INPP4B: variants seen among roughly 807,000 people sequenced by gnomAD.
INPP4B encodes inositol polyphosphate 4-phosphatase type II.
In INPP4B, 55 loss-of-function variants were observed where a neutral mutation model predicts 122.5. That is an observed-to-expected ratio of 0.45 (90% CI 0.36 to 0.56). The LOEUF is 0.56. Among genes scored for constraint, INPP4B ranks in the 20% least tolerant of loss-of-function variants. The probability of loss-of-function intolerance (pLI) is 0.00; values close to 1 mark genes in which losing one functional copy is unlikely to be tolerated. For missense variants in INPP4B, 1,000 were observed against 1,097.7 expected, an observed-to-expected ratio of 0.91 and a Z score of 1.26; for synonymous variants, 403 against 388.7, an observed-to-expected ratio of 1.04 and a Z score of -0.43.
chr4:142,265,895 T>C (rs1193935507), intron 10 of INPP4B, among the ~76,000 whole-genome samples: 1 of 152,166 alleles, frequency 6.6e-6, no homozygotes, highest in Non-Finnish European at 1.5e-5. Context: ...TCTCCATTTA[T>C]GAAAAGAGTA....
chr4:142,154,285 A>G (rs1815998350), intron 17 of INPP4B, among the ~76,000 whole-genome samples: 1 of 152,178 alleles, frequency 6.6e-6, no homozygotes, highest in Non-Finnish European at 1.5e-5. Flanking sequence ...ACATCTGAAG[A>G]AATTATTTCT....
At chr4:142,059,340 G>C (rs1390990) in intron 25 of INPP4B, among the ~76,000 whole-genome samples, 134,872 of 152,030 alleles carry the variant, frequency 0.89, 61,431 homozygotes, top group Non-Finnish European at 0.98. Context: ...ACTTTTCTTA[G>C]GCCTCCTACT....
At chr4:142,544,297 T>C (rs1829299912) in intron 2 of INPP4B, among the ~76,000 whole-genome samples, 2 of 152,026 alleles carry the variant, frequency 1.3e-5, no homozygotes, top group Admixed American at 6.6e-5. Flanking sequence ...TTGGAACAAA[T>C]TCATGAGTGT....
chr4:142,676,659 C>T (rs1757835221), intron 2 of INPP4B, among the ~76,000 whole-genome samples: 2 of 152,100 alleles, frequency 1.3e-5, no homozygotes, highest in South Asian at 4.1e-4. Flanking sequence ...ACCAATGGAA[C>T]ATAACAGAGC....
intron 16 of INPP4B, among the ~76,000 whole-genome samples, chr4:142,169,920 T>A (rs911560532): frequency 1.3e-5 from 2 of 151,700 alleles, no homozygotes; most frequent in African/African-American, 2.4e-5. Context: ...CTCAATGGAA[T>A]GGAGAAAGTG....
At chr4:142,811,266 G>T (rs2151123203) in intron 1 of INPP4B, among the ~76,000 whole-genome samples, 1 of 152,254 alleles carries the variant, frequency 6.6e-6, no homozygotes, top group South Asian at 2.1e-4. Flanking sequence ...GCATAATGCA[G>T]GCAGAGGGCA....
chr4:142,803,185 AAG>A (rs1282806632), intron 1 of INPP4B, among the ~76,000 whole-genome samples: 54 of 144,186 alleles, frequency 3.7e-4, no homozygotes, highest in Admixed American at 4.8e-4. Flanking sequence ...AAAAAAAAAA[AAG>A]AAAGAAAGAA....
chr4:142,059,912 T>C (rs1759693776), intron 25 of INPP4B, among the ~76,000 whole-genome samples: 2 of 152,178 alleles, frequency 1.3e-5, no homozygotes, highest in Admixed American at 1.3e-4. Flanking sequence ...TTCTGTTCCC[T>C]TTGACAGCAT....
chr4:142,666,122 T>C (rs1460602576), intron 2 of INPP4B, among the ~76,000 whole-genome samples: 2 of 152,196 alleles, frequency 1.3e-5, no homozygotes, highest in African/African-American at 2.4e-5. Context: ...CTACTACATA[T>C]ACTTGTATGT....
intron 23 of INPP4B, among the ~76,000 whole-genome samples, chr4:142,088,257 C>A (rs1423980731): frequency 3.3e-5 from 5 of 152,098 alleles, no homozygotes; most frequent in Non-Finnish European, 7.4e-5. Flanking sequence ...AAGGTAAGGA[C>A]AATAAGGTTG....
chr4:142,314,754 G>C lies in INPP4B; in HGVS notation c.381C>G (p.Thr127=). 1 of 1,595,762 alleles carries C rather than the reference G, an allele frequency of 6.3e-7. No individual in the cohort carries two copies. The highest frequency in any genetic ancestry group is 8.5e-7 in the Non-Finnish European group (1 of 1,173,038). The change falls in exon 8 of 26, where the codon ACC becomes ACG. Residue 127 remains threonine (T), a synonymous_variant. Coordinates refer to ENST00000262992, the MANE Select transcript of INPP4B (RefSeq NM_001101669.3). ...GATCCTTATGTTCTGGTAGGACACT[G>C]GTTCGAACCTGTGGAGAAAAACATT... ...VKDKSHDTVR[T]SVLPEHKDPP...
chr4:142,828,631 G>A (rs1164627105), intron 1 of INPP4B, among the ~76,000 whole-genome samples: 1 of 152,144 alleles, frequency 6.6e-6, no homozygotes, highest in Non-Finnish European at 1.5e-5. Flanking sequence ...TTAGACAAGA[G>A]TGGGCTTACA....
chr4:142,356,244 A>C (rs1372751390), intron 7 of INPP4B, among the ~76,000 whole-genome samples: 2 of 147,390 alleles, frequency 1.4e-5, no homozygotes, highest in Non-Finnish European at 3.0e-5. Context: ...CAGGGGAGAA[A>C]GGCATTCTAG....
chr4:142,558,823 A>AAG (rs1729826481), intron 2 of INPP4B, among the ~76,000 whole-genome samples: 1 of 135,186 alleles, frequency 7.4e-6, no homozygotes, highest in African/African-American at 2.8e-5. Flanking sequence ...AAAAAAAAAA[A>AAG]GAAGCTCAAT....
intron 2 of INPP4B, among the ~76,000 whole-genome samples, chr4:142,494,828 A>C (rs985846591): frequency 6.6e-6 from 1 of 151,966 alleles, no homozygotes; most frequent in East Asian, 1.9e-4. Flanking sequence ...TCTTTGCTCT[A>C]CCTCCTCAAT....
At chr4:142,709,239 T>C (rs796381396) in intron 2 of INPP4B, among the ~76,000 whole-genome samples, 2 of 152,196 alleles carry the variant, frequency 1.3e-5, no homozygotes, top group Non-Finnish European at 1.5e-5. Context: ...TACAGGCTCA[T>C]AGGTGGAAAG....
intron 2 of INPP4B, among the ~76,000 whole-genome samples, chr4:142,483,950 G>A (rs1312032714): frequency 2.6e-5 from 4 of 151,962 alleles, no homozygotes; most frequent in African/African-American, 9.7e-5. Context: ...AAGAGCTAGA[G>A]ACTGTTATGC....
At chr4:142,766,755 T>C (rs1196806219) in intron 1 of INPP4B, 1 of 152,100 alleles carries the variant, frequency 6.6e-6, no homozygotes, top group Non-Finnish European at 1.5e-5. Flanking sequence ...CATAGGAGGC[T>C]GGAACTGGAA....
chr4:142,438,599 C>T (rs560881883), intron 3 of INPP4B, among the ~76,000 whole-genome samples: 7 of 152,092 alleles, frequency 4.6e-5, no homozygotes, highest in Non-Finnish European at 1.0e-4. Context: ...CATAAGAACC[C>T]TAGAAGAAAA....
Sources: gnomAD v4.1 joint callset for allele counts (sites outside exome capture counted in the v4.1 genomes callset) on GRCh38, gnomAD v4.1.1 for gene constraint, MANE v1.5 for transcripts, NCBI Gene and HGNC (gene_info 2026-07-23, HGNC 2026-07-21) for gene names.